The following CPNE3 variants were observed in gnomAD, a reference collection of about 807,000 sequenced individuals.
CPNE3 encodes copine 3, also known as copine-3.
Under a neutral mutation model 63.9 loss-of-function variants are expected in CPNE3, and 68 were observed. That is an observed-to-expected ratio of 1.06 (90% CI 0.87 to 1.30). The LOEUF is 1.30. Among genes scored for constraint, CPNE3 ranks in the 50% most tolerant of loss-of-function variants. The pLI, the probability that CPNE3 is intolerant of heterozygous loss-of-function variation, is 0.00. For missense variants in CPNE3, 665 were observed against 578.1 expected (o/e 1.15, Z -1.54); for synonymous variants, 219 against 197.5 (o/e 1.11, Z -0.91).
At chr8:86,519,673 C>A (rs1031753794) in intron 2 of CPNE3, among the ~76,000 whole-genome samples, 1 of 152,166 alleles carries the variant, frequency 6.6e-6, no homozygotes, top group Non-Finnish European at 1.5e-5. Flanking sequence ...AGGTACCTAA[C>A]TAGTGGAGAA....
chr8:86,532,953 G>A (rs1313890712), intron 6 of CPNE3, among the ~76,000 whole-genome samples: 2 of 152,040 alleles, frequency 1.3e-5, no homozygotes, highest in Non-Finnish European at 2.9e-5. Flanking sequence ...TTTTATGAAG[G>A]ATGAGTGCCA....
chr8:86,529,094 C>T lies in CPNE3; in HGVS notation c.282C>T (p.Phe94=). 2 of 1,613,824 alleles carry T rather than the reference C, an allele frequency of 1.2e-6. No individual in the cohort carries two copies. The highest frequency in any genetic ancestry group is 1.1e-5 in the South Asian group (1 of 91,050). Reference sequence around the variant, plus strand: ...CTATTGAGCTGAGTGATGATGACTTCTTAGGGGAATGTGAATGTACCCTTG... The same window carrying T: ...CTATTGAGCTGAGTGATGATGACTTTTTAGGGGAATGTGAATGTACCCTTG... The part of the protein sequence containing the change: ...NKTIELSDDD[F]LGECECTLGQ... The change falls in exon 4 of 17, where the codon TTC becomes TTT. Residue 94 remains phenylalanine (F), a synonymous_variant. Transcript: ENST00000517490.
Position 86,546,664 on chromosome 8 carries a change from A to C in CPNE3, c.802A>C (p.Ser268Arg). Reference sequence around the variant, plus strand: ...AAGCTACAAGAATTCAGGTGTTATCAGTGTGAAACAGTGTGAGGTCCGTTG... The same window carrying C: ...AAGCTACAAGAATTCAGGTGTTATCCGTGTGAAACAGTGTGAGGTCCGTTG... ...KKSYKNSGVISVKQCEITVEC... is the reference protein window; with the variant it reads ...KKSYKNSGVIRVKQCEITVEC... The change falls in exon 10 of 17, where the codon AGT (serine) becomes CGT (arginine). Residue 268 changes from serine to arginine, a missense_variant. Coordinates refer to ENST00000517490, the MANE Select transcript of CPNE3 (RefSeq NM_003909.5). 3 of 1,610,944 alleles carry C rather than the reference A, an allele frequency of 1.9e-6. No homozygotes were observed. Among genetic ancestry groups the C allele is most frequent in the Non-Finnish European group, 2.5e-6 (3 of 1,179,342 alleles).
intron 12 of CPNE3, among the ~76,000 whole-genome samples, chr8:86,548,725 A>G (rs1291247836): frequency 6.6e-6 from 1 of 152,076 alleles, no homozygotes; most frequent in African/African-American, 2.4e-5. Context: ...TTGTTTCTTT[A>G]GTCTGGTTTC....
chr8:86,515,415 G>T (rs1300370478), intron 1 of CPNE3, 47 bp from the exon 2 acceptor site: 1 of 152,122 alleles, frequency 6.6e-6, no homozygotes, highest in African/African-American at 2.4e-5. Flanking sequence ...GTTATTTAAC[G>T]CTCCCAAGCA....
At chr8:86,527,343 G>T (rs1338339965) in intron 2 of CPNE3, among the ~76,000 whole-genome samples, 1 of 152,028 alleles carries the variant, frequency 6.6e-6, no homozygotes, top group African/African-American at 2.4e-5. Flanking sequence ...TCATTCCCTG[G>T]GTTCATGGAT....
intron 9 of CPNE3, 44 bp downstream of exon 9, chr8:86,544,882 ATGTATTTATTAC>A (rs1821014611): frequency 8.3e-7 from 1 of 1,211,146 alleles, no homozygotes; most frequent in South Asian, 1.3e-5. Flanking sequence ...TAGTTTGGCT[ATGTATTTATTAC>A]TGTATTTCAT....
chr8:86,517,270 G>A lies in CPNE3; in HGVS notation c.-11+1771G>A, dbSNP rs146301539. Among the ~76,000 whole-genome samples, 358 of 152,102 alleles carry A rather than the reference G, an allele frequency of 2.4e-3. 1 individual carries two copies. The highest frequency in any genetic ancestry group is 8.3e-3 in the African/African-American group (344 of 41,462). ...TATGAATTAGGTGGATAGCATATTAGTAAGTTTCCTCATAAAAAAAAAGAA... is the reference window on the plus strand; with the variant it reads ...TATGAATTAGGTGGATAGCATATTAATAAGTTTCCTCATAAAAAAAAAGAA... On this transcript the variant is annotated intron_variant, in intron 2 of 16. Coordinates refer to ENST00000517490, the MANE Select transcript of CPNE3 (RefSeq NM_003909.5).
intron 14 of CPNE3, chr8:86,551,480 ATCC>A (rs1422902309): frequency 2.5e-6 from 1 of 400,540 alleles, no homozygotes; most frequent in African/African-American, 2.1e-5. Flanking sequence ...GGTAAGCTAA[ATCC>A]TCCTACCTTA....
intron 1 of CPNE3, 83 bp downstream of exon 1, chr8:86,514,624 G>C (rs1180642424): frequency 6.6e-6 from 1 of 152,252 alleles, no homozygotes; most frequent in African/African-American, 2.4e-5. Flanking sequence ...GGAAAGTCCT[G>C]GCCTGGAGGA....
At chr8:86,522,001 A>T (rs1373373984) in intron 2 of CPNE3, among the ~76,000 whole-genome samples, 1 of 152,170 alleles carries the variant, frequency 6.6e-6, no homozygotes, top group Non-Finnish European at 1.5e-5. Context: ...GTCCAGTTGT[A>T]TGGAATTATT....
chr8:86,523,509 A>T (rs1475430112), intron 2 of CPNE3, among the ~76,000 whole-genome samples: 2 of 152,240 alleles, frequency 1.3e-5, no homozygotes, highest in Non-Finnish European at 2.9e-5. Context: ...AAGAAAATAG[A>T]ATCAGTGCCA....
chr8:86,540,092 T>C (rs1449980304), intron 7 of CPNE3, among the ~76,000 whole-genome samples, 153 bp from the exon 8 acceptor site: 1 of 152,196 alleles, frequency 6.6e-6, no homozygotes, highest in African/African-American at 2.4e-5. Flanking sequence ...TTGTATAATA[T>C]TGTTCTAGGT....
chr8:86,549,834 A>G (rs966469675), intron 12 of CPNE3, among the ~76,000 whole-genome samples: 21 of 152,182 alleles, frequency 1.4e-4, no homozygotes, highest in Admixed American at 1.3e-3. Context: ...ATTCCCTTTT[A>G]GGGGCATGAT....
chr8:86,557,202 T>C (rs985717976), intron 16 of CPNE3, among the ~76,000 whole-genome samples: 3 of 152,134 alleles, frequency 2.0e-5, no homozygotes, highest in African/African-American at 7.2e-5. Flanking sequence ...CAGGCTGGAG[T>C]ACAGTACTGC....
At chr8:86,539,246 A>G (rs2131465721) in intron 7 of CPNE3, among the ~76,000 whole-genome samples, 1 of 152,106 alleles carries the variant, frequency 6.6e-6, no homozygotes, top group East Asian at 1.9e-4. Context: ...TTTCTTTTTG[A>G]CTTCATTCAT....
chr8:86,520,045 G>A (rs928443777), intron 2 of CPNE3, among the ~76,000 whole-genome samples: 1 of 152,082 alleles, frequency 6.6e-6, no homozygotes, highest in Non-Finnish European at 1.5e-5. Flanking sequence ...GATGGAGACT[G>A]AGTTTGGAAA....
Position 86,531,317 on chromosome 8 carries a change from G to A in CPNE3, c.387+88G>A, listed in dbSNP as rs1318744639. 7 of 737,634 alleles carry A rather than the reference G, an allele frequency of 9.5e-6. No homozygotes were observed. In the African/African-American group the frequency reaches 1.0e-4, roughly 11 times the overall value. 45.7% of individuals were successfully genotyped at this position (737,634 alleles called of 1,614,324 possible). A position where few individuals can be genotyped will look rare whatever the true frequency, so the allele number is the denominator to read the frequency against. On this transcript the variant is annotated intron_variant, in intron 5 of 16. Transcript: ENST00000517490. ...GTCCATATCAGAGAAATATTCTACA[G>A]CCATGCTTTGTCACTCAATCTTGAA...
chr8:86,555,989 G>C lies in CPNE3; in HGVS notation c.1255-113G>C. ...AGAATATTTTATGTGGTGGTAGCTA[G>C]GGTAGAGACTGGCAAGGAAAATGAA... On this transcript the variant is annotated intron_variant, in intron 15 of 16. Coordinates refer to ENST00000517490, the MANE Select transcript of CPNE3 (RefSeq NM_003909.5). 4.2e-6 allele frequency: 3 copies of C among 713,740 alleles called. No individual in the cohort carries two copies. The East Asian group carries it at 7.4e-5, about 18-fold the overall frequency. The allele number at this position is 713,740 out of a possible 1,614,324, so 44.2% of individuals were successfully genotyped here.
Sources: gnomAD v4.1 joint callset for allele counts (sites outside exome capture counted in the v4.1 genomes callset) on GRCh38, gnomAD v4.1.1 for gene constraint, MANE v1.5 for transcripts, NCBI Gene and HGNC (gene_info 2026-07-23, HGNC 2026-07-21) for gene names.